Variants in WASF1 observed in about 807,000 individuals in gnomAD.
WASF1 encodes WASP family member 1, also known as actin-binding protein WASF1.
In WASF1, 7 loss-of-function variants were observed where a neutral mutation model predicts 50.5. The observed-to-expected ratio is 0.14, with a 90% CI of 0.08 to 0.26. WASF1 has a LOEUF of 0.26. WASF1 is among the 10% of genes least tolerant of loss of function. WASF1 has a pLI of 1.00. For missense variants in WASF1, 470 were observed against 694.7 expected, an observed-to-expected ratio of 0.68 and a Z score of 3.64; for synonymous variants, 205 against 244.0, an observed-to-expected ratio of 0.84 and a Z score of 1.49.
chr6:110,158,637 T>G (rs1260662396), intron 3 of WASF1, among the ~76,000 whole-genome samples: 1 of 151,932 alleles, frequency 6.6e-6, no homozygotes. Context: ...CACATGAGCT[T>G]CTTTGACCCC....
chr6:110,160,750 C>G lies in WASF1; in HGVS notation c.-126-18G>C, dbSNP rs1265600136. The G allele has an allele frequency of 6.6e-6, 1 of 151,646 alleles. No individual in the cohort carries two copies. Among genetic ancestry groups the G allele is most frequent in the African/African-American group, 2.4e-5 (1 of 41,368 alleles). The allele number at this position is 151,646 out of a possible 1,614,324, so 9.4% of individuals were successfully genotyped here. ...CTCCAACACTGTTTAAAATTGAGAA[C>G]AAAAATAATATCCAACATTTATTAT... On this transcript the variant is annotated intron_variant, in intron 2 of 10. Coordinates refer to ENST00000392589, the MANE Select transcript of WASF1 (RefSeq NM_003931.3).
chr6:110,173,198 C>T (rs1310780100), intron 2 of WASF1, among the ~76,000 whole-genome samples: 1 of 152,044 alleles, frequency 6.6e-6, no homozygotes, highest in Non-Finnish European at 1.5e-5. Context: ...GACACATAAG[C>T]TTTTCTTCTT....
intron 4 of WASF1, among the ~76,000 whole-genome samples, chr6:110,124,216 T>TCTCTC (rs1367926644): frequency 1.6e-5 from 1 of 63,544 alleles, no homozygotes; most frequent in Non-Finnish European, 2.8e-5. Context: ...TCTCTCTCTC[T>TCTCTC]CCTCTCTCTC....
chr6:110,127,607 G>A lies in WASF1; in HGVS notation c.-6C>T. The A allele has an allele frequency of 6.5e-7, 1 of 1,539,212 alleles. No individual in the cohort carries two copies. The highest frequency in any genetic ancestry group is 1.3e-5 in the South Asian group (1 of 76,864). Reference sequence around the variant, plus strand: ...TTTCTTTTCACTAGCGGCATCTTGAGATTAACCTTTGTGCCAGTTCACCTG... The same window carrying A: ...TTTCTTTTCACTAGCGGCATCTTGAAATTAACCTTTGTGCCAGTTCACCTG... On this transcript the variant is annotated 5_prime_UTR_variant, in exon 4 of 11. Coordinates refer to ENST00000392589, the MANE Select transcript of WASF1 (RefSeq NM_003931.3).
chr6:110,176,380 G>T (rs1405110306), intron 2 of WASF1, among the ~76,000 whole-genome samples: 1 of 151,520 alleles, frequency 6.6e-6, no homozygotes, highest in Admixed American at 6.6e-5. Context: ...GCTATAAGAA[G>T]AAAATTGTTA....
intron 3 of WASF1, among the ~76,000 whole-genome samples, chr6:110,135,876 CTTTT>C (rs778710982): frequency 2.9e-3 from 198 of 68,284 alleles, no homozygotes; most frequent in South Asian, 4.8e-3. Context: ...AGTCCATTAT[CTTTT>C]TTTTTTTTTT....
chr6:110,104,767 C>A (rs1248931298), intron 8 of WASF1, among the ~76,000 whole-genome samples: 1 of 152,130 alleles, frequency 6.6e-6, no homozygotes, highest in South Asian at 2.1e-4. Flanking sequence ...CCACCCTGGG[C>A]GATAGAGCAA....
At chr6:110,131,439 AT>A (rs1165990695) in intron 3 of WASF1, among the ~76,000 whole-genome samples, 1 of 152,118 alleles carries the variant, frequency 6.6e-6, no homozygotes, top group East Asian at 1.9e-4. Flanking sequence ...GTTTCTATGT[AT>A]TTTTAAATCA....
At chr6:110,121,829 A>T (rs186265528) in intron 4 of WASF1, among the ~76,000 whole-genome samples, 1 of 152,204 alleles carries the variant, frequency 6.6e-6, no homozygotes, top group Admixed American at 6.5e-5. Context: ...TGTGGTACAT[A>T]TACACCATGG....
chr6:110,100,441 G>C lies in WASF1; in HGVS notation c.*81C>G, dbSNP rs972327689. 2 of 1,356,888 alleles carry C rather than the reference G, an allele frequency of 1.5e-6. No homozygotes were observed. Among genetic ancestry groups the C allele is most frequent in the Non-Finnish European group, 2.0e-6 (2 of 1,020,024 alleles). 84.1% of individuals were successfully genotyped at this position (1,356,888 alleles called of 1,614,324 possible). On this transcript the variant is annotated 3_prime_UTR_variant, in exon 11 of 11. Coordinates refer to ENST00000392589, the MANE Select transcript of WASF1 (RefSeq NM_003931.3). The stretch of plus-strand genomic sequence containing the variant: ...ATAAGGAAAAGAAAGCAAAACACTA[G>C]AATGACCAAACATTTTCAAGGAACA...
chr6:110,103,262 A>G, intron 9 of WASF1, 116 bp downstream of exon 9: 1 of 1,063,190 alleles, frequency 9.4e-7, no homozygotes, highest in Non-Finnish European at 1.3e-6. Context: ...GGCAGAATTG[A>G]GTACTTGTGA....
rs111820609 is a variant in WASF1, at chr6:110,138,293, G to A, written c.-28-10664C>T. 3.8e-3 allele frequency among the ~76,000 whole-genome samples: 583 copies of A among 152,340 alleles called. 1 individual carries two copies. Among genetic ancestry groups the A allele is most frequent in the African/African-American group, 0.013 (521 of 41,582 alleles). Reference sequence around the variant, plus strand: ...CAGAAGCTTGTAGACACCAGGAACTGCAGAGCCCCAAAGAGAGTGTCACAG... The same window carrying A: ...CAGAAGCTTGTAGACACCAGGAACTACAGAGCCCCAAAGAGAGTGTCACAG... On this transcript the variant is annotated intron_variant, in intron 3 of 10. Transcript: ENST00000392589.
Position 110,177,176 on chromosome 6 carries a change from G to A in WASF1, c.-127+1422C>T, listed in dbSNP as rs774231295. 12 of 151,828 alleles carry A rather than the reference G, an allele frequency of 7.9e-5. 1 individual carries two copies. Among genetic ancestry groups the A allele is most frequent in the Non-Finnish European group, 1.5e-4 (10 of 67,846 alleles). 9.4% of individuals were successfully genotyped at this position (151,828 alleles called of 1,614,324 possible). A position where few individuals can be genotyped will look rare whatever the true frequency, so the allele number is the denominator to read the frequency against. On this transcript the variant is annotated intron_variant, in intron 2 of 10. Transcript: ENST00000392589. ...TAAATGATCACAACTATGTATTTTG[G>A]ATTGTAACACCTGCAAATTTGTAAC...
chr6:110,176,079 A>C (rs1302645759), intron 2 of WASF1, among the ~76,000 whole-genome samples: 1 of 152,042 alleles, frequency 6.6e-6, no homozygotes, highest in Non-Finnish European at 1.5e-5. Context: ...ACAAGTTGTA[A>C]AATGTAATCA....
intron 4 of WASF1, among the ~76,000 whole-genome samples, chr6:110,114,426 A>G (rs778999411): frequency 2.6e-5 from 4 of 152,356 alleles, no homozygotes; most frequent in South Asian, 2.1e-4. Context: ...AAAAAAAGAA[A>G]AGGAAAATCA....
intron 5 of WASF1, among the ~76,000 whole-genome samples, chr6:110,109,795 C>A (rs1447377169): frequency 6.6e-6 from 1 of 151,758 alleles, no homozygotes; most frequent in Non-Finnish European, 1.5e-5. Flanking sequence ...CTCCTGACCT[C>A]ATGATCTGCC....
At chr6:110,174,180 T>G (rs1273207150) in intron 2 of WASF1, among the ~76,000 whole-genome samples, 1 of 152,132 alleles carries the variant, frequency 6.6e-6, no homozygotes, top group Non-Finnish European at 1.5e-5. Context: ...ATTCTCTTCC[T>G]TTTCCACCTA....
chr6:110,158,725 T>TA (rs1347930209), intron 3 of WASF1, among the ~76,000 whole-genome samples: 1 of 151,726 alleles, frequency 6.6e-6, no homozygotes, highest in Non-Finnish European at 1.5e-5. Flanking sequence ...CAATTTTTTT[T>TA]AAAAAAAGAT....
intron 2 of WASF1, among the ~76,000 whole-genome samples, chr6:110,168,912 C>T (rs1562191030): frequency 6.6e-6 from 1 of 152,092 alleles, no homozygotes; most frequent in Non-Finnish European, 1.5e-5. Context: ...TCAAAACCAT[C>T]AACACACTTT....
Sources: gnomAD v4.1 joint callset for allele counts (sites outside exome capture counted in the v4.1 genomes callset) on GRCh38, gnomAD v4.1.1 for gene constraint, MANE v1.5 for transcripts, NCBI Gene and HGNC (gene_info 2026-07-23, HGNC 2026-07-21) for gene names.